MFHAS1: variants seen among roughly 807,000 people sequenced by gnomAD.
MFHAS1 encodes the protein malignant fibrous histiocytoma-amplified sequence 1.
Under a neutral mutation model 70.4 loss-of-function variants are expected in MFHAS1, and 50 were observed. The ratio of observed to expected loss-of-function variants is 0.71; its 90% CI spans 0.57 to 0.90. The LOEUF (loss-of-function observed/expected upper bound fraction) is 0.90, where lower values mean the gene tolerates loss of function less well. Among genes scored for constraint, MFHAS1 ranks in the 40% least tolerant of loss-of-function variants. The pLI is 0.00. For missense variants in MFHAS1, 1,795 were observed against 1,347.6 expected, an observed-to-expected ratio of 1.33 and a Z score of -5.20; for synonymous variants, 952 against 620.0, an observed-to-expected ratio of 1.54 and a Z score of -7.96.
At chr8:8,836,104 C>G (rs768982489) in intron 1 of MFHAS1, among the ~76,000 whole-genome samples, 4 of 152,164 alleles carry the variant, frequency 2.6e-5, no homozygotes, top group Admixed American at 6.5e-5. Context: ...CCATGCAAGA[C>G]AGAGAGGAAA....
intron 1 of MFHAS1, among the ~76,000 whole-genome samples, chr8:8,829,586 C>T (rs188663230): frequency 6.6e-6 from 1 of 152,168 alleles, no homozygotes; most frequent in Non-Finnish European, 1.5e-5. Context: ...GAGGCTGAGG[C>T]AGGAGAATCG....
rs568819482 is a variant in MFHAS1 at position 8,811,621 on chromosome 8, C to T, written c.2999-14130G>A. Among the ~76,000 whole-genome samples, 17 of 152,344 alleles carry T rather than the reference C, an allele frequency of 1.1e-4. No homozygotes were observed. In the South Asian group the frequency reaches 2.9e-3, roughly 26 times the overall value. On this transcript the variant is annotated intron_variant, in intron 1 of 2. Transcript: ENST00000276282. The stretch of plus-strand genomic sequence containing the variant: ...CTTTGGGTAACTAACGTCCACCTGA[C>T]GCATACTAGCTGATGCTGCGTCTCC...
intron 1 of MFHAS1, among the ~76,000 whole-genome samples, chr8:8,815,563 C>G (rs906921984): frequency 7.2e-5 from 11 of 152,258 alleles, no homozygotes; most frequent in African/African-American, 2.6e-4. Flanking sequence ...GCCATTCTGA[C>G]TGGTGTGAGA....
At chr8:8,880,684 GTT>G (rs869117025) in intron 1 of MFHAS1, among the ~76,000 whole-genome samples, 1 of 114,870 alleles carries the variant, frequency 8.7e-6, no homozygotes. Context: ...TTCCTTTTTT[GTT>G]TTTTTTTTTT....
chr8:8,881,608 C>T (rs1263306704), intron 1 of MFHAS1, among the ~76,000 whole-genome samples: 1 of 152,048 alleles, frequency 6.6e-6, no homozygotes, highest in Non-Finnish European at 1.5e-5. Flanking sequence ...CTGAGGCGGG[C>T]GGATCACCTG....
rs139956353 is a variant in MFHAS1, at chr8:8,891,093, G to A, written c.1966C>T (p.His656Tyr). 1.5e-5 allele frequency: 24 copies of A among 1,613,822 alleles called. No individual in the cohort carries two copies. Among genetic ancestry groups the A allele is most frequent in the Admixed American group, 5.0e-5 (3 of 59,990 alleles). The stretch of plus-strand genomic sequence containing the variant: ...TGCCAGGATCGAGGCAGTACTCTGT[G>A]TAAGTTGGGGAAGATCTCTCGGTGC... ...AEHREIFPNL[H>Y]RVLPRSWQVL... is the part of the protein sequence containing the mutation. Residue 656 changes from histidine (H) to tyrosine (Y), a missense_variant, in exon 1 of 3, where the codon CAC becomes TAC. Physicochemically the swap from His to Tyr is moderately conservative, Grantham distance 83 (BLOSUM62 2). Coordinates refer to ENST00000276282, the MANE Select transcript of MFHAS1 (RefSeq NM_004225.3). The surrounding 1 kb of genome is among the most constrained non-coding windows in gnomAD (Gnocchi z 5.4).
intron 1 of MFHAS1, among the ~76,000 whole-genome samples, chr8:8,887,863 A>AC (rs1809828626): frequency 1.5e-5 from 2 of 129,342 alleles, no homozygotes; most frequent in African/African-American, 6.3e-5. Flanking sequence ...AAAAAACAAA[A>AC]AAAAAAAAAA....
chr8:8,863,192 T>G (rs1380961601), intron 1 of MFHAS1, among the ~76,000 whole-genome samples: 1 of 152,258 alleles, frequency 6.6e-6, no homozygotes, highest in Non-Finnish European at 1.5e-5. Flanking sequence ...TATCTGTTTA[T>G]ACTTACGCCA....
At chr8:8,788,582 G>A (rs935124192) in intron 2 of MFHAS1, among the ~76,000 whole-genome samples, 4 of 152,204 alleles carry the variant, frequency 2.6e-5, no homozygotes, top group African/African-American at 9.7e-5. Context: ...GGGGGGCTGA[G>A]GCAGGATAAT....
intron 1 of MFHAS1, among the ~76,000 whole-genome samples, chr8:8,860,393 G>C (rs766385259): frequency 5.9e-5 from 9 of 152,190 alleles, no homozygotes; most frequent in Non-Finnish European, 1.2e-4. Flanking sequence ...TAGAAAAAGA[G>C]AAGGAGAAAA....
intron 1 of MFHAS1, among the ~76,000 whole-genome samples, chr8:8,843,643 T>C (rs891542840): frequency 3.3e-5 from 5 of 152,054 alleles, no homozygotes; most frequent in Non-Finnish European, 4.4e-5. Context: ...GGGGTCTGTT[T>C]GGGAGAGAAA....
rs200856967 is a variant in MFHAS1 at position 8,890,678 on chromosome 8, A to C, written c.2381T>G (p.Leu794Trp). ...GACATGAGCTGGCAAGAGCCCATGC[A>C]ACAGAAAGCCCTCCACATACTGATG... ...QLHQYVEGFL[L>W]HGLLPAHVIR... The change falls in exon 1 of 3, where the codon TTG becomes TGG. Residue 794 changes from leucine (L) to tryptophan (W), a missense_variant. Coordinates refer to ENST00000276282, the MANE Select transcript of MFHAS1 (RefSeq NM_004225.3). 6.8e-6 allele frequency: 11 copies of C among 1,613,476 alleles called. No individual in the cohort carries two copies. The East Asian group carries it at 2.5e-4, about 36-fold the overall frequency.
In MFHAS1 at chr8:8,890,548, C is replaced by T. The variant is rs146502253; in HGVS notation, c.2511G>A (p.Lys837=). ...MGLCYCLNKP[K]GKPLNGSTAW... ...CTGTGGACCCATTCAAAGGCTTGCC[C>T]TTGGGTTTATTGAGGCAGTAACAGA... Residue 837 remains lysine, a synonymous_variant, in exon 1 of 3, where the codon AAG becomes AAA. Transcript: ENST00000276282. 4,391 of 1,613,534 alleles carry T rather than the reference C, an allele frequency of 2.7e-3. 10 individuals carry two copies. The highest frequency in any genetic ancestry group is 3.3e-3 in the Non-Finnish European group (3,871 of 1,180,042).
At chr8:8,817,728 G>A (rs1321023569) in intron 1 of MFHAS1, among the ~76,000 whole-genome samples, 2 of 152,254 alleles carry the variant, frequency 1.3e-5, no homozygotes, top group Non-Finnish European at 2.9e-5. Flanking sequence ...GTTTCTGGAT[G>A]AAGCTGTTCC....
Position 8,890,387 on chromosome 8 carries a change from G to A in MFHAS1, c.2672C>T (p.Pro891Leu). 6.2e-7 allele frequency: 1 copy of A among 1,614,120 alleles called. No individual in the cohort carries two copies. The highest frequency in any genetic ancestry group is 1.3e-5 in the African/African-American group (1 of 75,038). Reference protein sequence around the residue: ...QIEYSFPFTFPLGLFARYSVQ... With the variant: ...QIEYSFPFTFLLGLFARYSVQ... ...ACTGTAGCGTGCAAACAACCCAAGT[G>A]GAAAAGTAAAAGGAAAGCTATATTC... The change falls in exon 1 of 3, where the codon CCA (proline) becomes CTA (leucine). Residue 891 changes from proline (P) to leucine (L), a missense_variant. Pro to Leu is a moderately conservative substitution (Grantham distance 98). Coordinates refer to ENST00000276282, the MANE Select transcript of MFHAS1 (RefSeq NM_004225.3).
rs995119561 is a variant in MFHAS1 at position 8,826,711 on chromosome 8, T to A, written c.2999-29220A>T. On this transcript the variant is annotated intron_variant, in intron 1 of 2. Transcript: ENST00000276282. ...TCACGCCACTGCACTCCAGCCTGGG[T>A]GACAGAGTGAGGCTCCATCTCAAAA... 8.5e-5 allele frequency among the ~76,000 whole-genome samples: 13 copies of A among 152,228 alleles called. No individual in the cohort carries two copies. In the South Asian group the frequency reaches 2.5e-3, roughly 29 times the overall value.
chr8:8,846,237 A>G (rs1344397317), intron 1 of MFHAS1, among the ~76,000 whole-genome samples: 4 of 117,548 alleles, frequency 3.4e-5, no homozygotes, highest in Non-Finnish European at 6.7e-5. Context: ...TGAGCGACAG[A>G]GCGAGACTCT....
chr8:8,851,075 C>T (rs1169214353), intron 1 of MFHAS1, among the ~76,000 whole-genome samples: 8 of 152,132 alleles, frequency 5.3e-5, no homozygotes, highest in Non-Finnish European at 8.8e-5. Context: ...CGTATATAAG[C>T]GTGCCTCAAG....
intron 1 of MFHAS1, among the ~76,000 whole-genome samples, chr8:8,817,677 G>A (rs188155351): frequency 3.9e-5 from 6 of 152,328 alleles, no homozygotes; most frequent in Non-Finnish European, 5.9e-5. Context: ...AACCAGTTTC[G>A]TGGAAGATGA....
Sources: gnomAD v4.1 joint callset for allele counts (sites outside exome capture counted in the v4.1 genomes callset) on GRCh38, gnomAD v4.1.1 for gene constraint, Gnocchi (gnomAD v3.1) non-coding constraint, MANE v1.5 for transcripts, NCBI Gene and HGNC (gene_info 2026-07-23, HGNC 2026-07-21) for gene names.